Variants in GJE1 observed in about 807,000 individuals in gnomAD.
GJE1 encodes the protein gap junction protein epsilon 1, also known as gap junction epsilon-1 protein.
In GJE1, 9 loss-of-function variants were observed where a neutral mutation model predicts 6.2. The observed-to-expected ratio is 1.45, with a 90% CI of 0.87 to 2.52. The LOEUF (loss-of-function observed/expected upper bound fraction) is 2.52, where lower values mean the gene tolerates loss of function less well. Among genes scored for constraint, GJE1 ranks in the 30% most tolerant of loss-of-function variants. The pLI is 0.00. For synonymous variants in GJE1, 65 were observed against 30.1 expected, an observed-to-expected ratio of 2.16 and a Z score of -3.80; for missense variants, 190 against 87.7, an observed-to-expected ratio of 2.17 and a Z score of -4.66.
chr6:142,134,852 C>T (rs1214652094), exon 3 of GJE1: 1 of 644,018 alleles, frequency 1.6e-6, no homozygotes, highest in Non-Finnish European at 2.8e-6. Flanking sequence ...ACAACAATTA[C>T]AATTTTATTA....
intron 2 of GJE1, 65 bp downstream of exon 2, chr6:142,134,109 A>C: frequency 1.9e-6 from 1 of 539,424 alleles, no homozygotes; most frequent in South Asian, 3.0e-5. Flanking sequence ...ATAATGTCAT[A>C]ATATGAGAAA....
exon 3 of GJE1, chr6:142,134,710 T>C: frequency 1.4e-6 from 1 of 692,798 alleles, no homozygotes; most frequent in Non-Finnish European, 2.6e-6. Context: ...GCTTCAGATT[T>C]ACCTCTTTGG....
exon 1 of GJE1, chr6:142,133,126 C>A: frequency 1.5e-6 from 1 of 650,686 alleles, no homozygotes. Flanking sequence ...AAGAATTAAC[C>A]AACAGGAATG....
exon 1 of GJE1, chr6:142,133,129 C>T: frequency 1.5e-6 from 1 of 653,764 alleles, no homozygotes; most frequent in South Asian, 1.7e-5. Context: ...AATTAACCAA[C>T]AGGAATGCCA....
intron 1 of GJE1, among the ~76,000 whole-genome samples, chr6:142,133,548 C>A (rs1778185734): frequency 1.3e-5 from 2 of 152,082 alleles, no homozygotes; most frequent in South Asian, 4.2e-4. Context: ...ATTAGATATT[C>A]TGATTTTATT....
chr6:142,134,503 T>C (rs1257788107), intron 2 of GJE1, 36 bp from the exon 3 acceptor site: 1 of 480,958 alleles, frequency 2.1e-6, no homozygotes, highest in Non-Finnish European at 3.7e-6. Context: ...TTAATTGATT[T>C]ACTAAGATAT....
At chr6:142,133,528 A>G (rs58269629) in intron 1 of GJE1, among the ~76,000 whole-genome samples, 193 of 152,292 alleles carry the variant, frequency 1.3e-3, no homozygotes, top group African/African-American at 4.0e-3. Flanking sequence ...TCTAATTTTC[A>G]AAAAGAAGTA....
exon 2 of GJE1, chr6:142,134,027 C>G: frequency 1.5e-6 from 1 of 685,820 alleles, no homozygotes; most frequent in Non-Finnish European, 2.7e-6. Context: ...GCCAATCACT[C>G]CACAAGTAAG....
Position 142,134,892 on chromosome 6 carries a change from T to C in GJE1, c.588T>C (p.Phe196=), listed in dbSNP as rs564193496. Residue 196 remains phenylalanine (F), a synonymous_variant, in exon 3 of 3, where the codon TTT becomes TTC. Coordinates refer to ENST00000450456, the Ensembl canonical transcript of GJE1. ...TTGCTGAGATTTTTGAGATCATATT[T>C]AGAAGATTATACTTTCCATTCAGAC... 37 of 608,290 alleles carry C rather than the reference T, an allele frequency of 6.1e-5. 1 individual carries two copies. In the African/African-American group the frequency reaches 6.3e-4, roughly 10 times the overall value. The allele number at this position is 608,290 out of a possible 1,614,324, so 37.7% of individuals were successfully genotyped here.
At chr6:142,135,265 G>T (rs1369163965), downstream of GJE1, 1 of 155,084 alleles carries the variant, frequency 6.4e-6, no homozygotes, top group Non-Finnish European at 1.4e-5. Context: ...GCTCATGAGG[G>T]TTAATTTAGG....
At chr6:142,133,967 T>C (rs1778197401) in exon 2 of GJE1, 1 of 702,466 alleles carries the variant, frequency 1.4e-6, no homozygotes, top group Non-Finnish European at 2.6e-6. Context: ...GCACTTCATT[T>C]GCGATCCAGA....
chr6:142,133,673 A>T (rs1341713050), intron 1 of GJE1, among the ~76,000 whole-genome samples, 177 bp from the exon 2 acceptor site: 1 of 152,162 alleles, frequency 6.6e-6, no homozygotes, highest in Non-Finnish European at 1.5e-5. Context: ...TTCATATTTT[A>T]AGAGTGAGAA....
At chr6:142,132,975 G>C (rs1171217406), upstream of GJE1, 1 of 421,782 alleles carries the variant, frequency 2.4e-6, no homozygotes, top group African/African-American at 2.0e-5. Context: ...GACAGAGATA[G>C]GAAGGTTGAA....
exon 3 of GJE1, chr6:142,134,986 A>G (rs1413600128): frequency 2.1e-6 from 1 of 473,624 alleles, no homozygotes; most frequent in African/African-American, 2.0e-5. Flanking sequence ...TATCTTACTC[A>G]GTGAGTACAA....
chr6:142,134,151 A>G lies in GJE1; in HGVS notation c.234+107A>G. The G allele has an allele frequency of 6.0e-6, 3 of 502,310 alleles. No individual in the cohort carries two copies. The South Asian group carries it at 1.1e-4, about 19-fold the overall frequency. 31.1% of individuals were successfully genotyped at this position (502,310 alleles called of 1,614,324 possible). ...AACAGGTTTTTTGTTCCTAAGGATTATGTTACTTTTTCTTTAATTAGCTGT... is the reference window on the plus strand; with the variant it reads ...AACAGGTTTTTTGTTCCTAAGGATTGTGTTACTTTTTCTTTAATTAGCTGT... On this transcript the variant is annotated intron_variant, in intron 2 of 2. Coordinates refer to ENST00000450456, the Ensembl canonical transcript of GJE1.
In GJE1 at chr6:142,135,136, CT is replaced by C. The variant is rs145400233; in HGVS notation, c.*215del. The C allele has an allele frequency of 2.7e-3, 717 of 264,728 alleles. 19 individuals are homozygous for C. In the East Asian group the frequency reaches 0.046, roughly 17 times the overall value. 16.4% of individuals were successfully genotyped at this position (264,728 alleles called of 1,614,324 possible). On this transcript the variant is annotated 3_prime_UTR_variant, in exon 3 of 3. Coordinates refer to ENST00000450456, the Ensembl canonical transcript of GJE1. Reference sequence around the variant, plus strand: ...TTATTAGAAAATATACACAGAACTACTGTTAATTTATTTTTAAACAGTGCTT... The same window carrying C: ...TTATTAGAAAATATACACAGAACTACGTTAATTTATTTTTAAACAGTGCTT...
chr6:142,134,514 T>C (rs1473612674), intron 2 of GJE1, 25 bp from the exon 3 acceptor site: 1 of 487,500 alleles, frequency 2.1e-6, no homozygotes, highest in Non-Finnish European at 3.6e-6. Flanking sequence ...ACTAAGATAT[T>C]TCTGACATAC....
chr6:142,134,690 T>G, exon 3 of GJE1: 3 of 696,046 alleles, frequency 4.3e-6, no homozygotes, highest in Non-Finnish European at 5.2e-6. Context: ...CTAGCGGCAA[T>G]AGCATTCTGG....
At chr6:142,133,798 C>T in intron 1 of GJE1, 52 bp from the exon 2 acceptor site, 2 of 545,646 alleles carry the variant, frequency 3.7e-6, no homozygotes, top group East Asian at 2.9e-5. Flanking sequence ...TTTAAATGTC[C>T]TCCTTTAATG....
Sources: gnomAD v4.1 joint callset for allele counts (sites outside exome capture counted in the v4.1 genomes callset) on GRCh38, gnomAD v4.1.1 for gene constraint, MANE v1.5 for transcripts, NCBI Gene and HGNC (gene_info 2026-07-23, HGNC 2026-07-21) for gene names.